ATXN2: variants seen among roughly 807,000 people sequenced by gnomAD.
ATXN2 encodes ataxin 2, also known as ataxin-2.
Under a neutral mutation model 138.6 loss-of-function variants are expected in ATXN2, and 37 were observed. That is an observed-to-expected ratio of 0.27 (90% CI 0.21 to 0.35). The LOEUF (loss-of-function observed/expected upper bound fraction) is 0.35. Among genes scored for constraint, ATXN2 ranks in the 10% least tolerant of loss-of-function variants. ATXN2 has a pLI of 1.00. For missense variants in ATXN2, 1,216 were observed against 1,480.3 expected (o/e 0.82, Z 2.93); for synonymous variants, 549 against 543.7 (o/e 1.01, Z -0.13).
chr12:111,536,774 G>A (rs979962631), intron 5 of ATXN2, among the ~76,000 whole-genome samples: 2 of 144,042 alleles, frequency 1.4e-5, no homozygotes, highest in African/African-American at 2.6e-5. Flanking sequence ...ATGTCCACAC[G>A]CAGTTTTTTT....
Position 111,509,739 on chromosome 12 carries a change from T to C in ATXN2, c.1865-120A>G, listed in dbSNP as rs946594420. 6.4e-6 allele frequency: 6 copies of C among 941,982 alleles called. No homozygotes were observed. The African/African-American group carries it at 6.7e-5, about 11-fold the overall frequency. 58.4% of individuals were successfully genotyped at this position (941,982 alleles called of 1,614,324 possible). On this transcript the variant is annotated intron_variant, in intron 13 of 24. Coordinates refer to ENST00000673436, the MANE Select transcript of ATXN2 (RefSeq NM_001372574.1). The stretch of plus-strand genomic sequence containing the variant: ...TAAGATCAGAAAATAATTTCAAATA[T>C]TAAATTTGGATTTTGGAATTTGTCA...
intron 1 of ATXN2, chr12:111,581,524 C>A: frequency 9.8e-7 from 1 of 1,018,362 alleles, no homozygotes; most frequent in Non-Finnish European, 1.6e-6. Flanking sequence ...TCCCCATCCA[C>A]AGCGAGAACT....
intron 11 of ATXN2, chr12:111,513,107 T>C: frequency 2.3e-6 from 1 of 439,414 alleles, no homozygotes; most frequent in South Asian, 2.9e-5. Context: ...TAATGTAGAC[T>C]AGGCAAGAAT....
At chr12:111,511,275 G>A (rs1437344275) in intron 11 of ATXN2, 2 of 151,024 alleles carry the variant, frequency 1.3e-5, no homozygotes, top group African/African-American at 4.9e-5. Flanking sequence ...CAAGGGTCAC[G>A]GAAGAAAACT....
At chr12:111,502,493 G>A (rs913860607) in intron 14 of ATXN2, among the ~76,000 whole-genome samples, 8 of 151,798 alleles carry the variant, frequency 5.3e-5, no homozygotes, top group African/African-American at 9.7e-5. Context: ...GCAGCGGCAC[G>A]ATCTTAACTC....
At chr12:111,560,807 G>A (rs1441831836) in intron 1 of ATXN2, among the ~76,000 whole-genome samples, 2 of 150,482 alleles carry the variant, frequency 1.3e-5, no homozygotes, top group Non-Finnish European at 3.0e-5. Flanking sequence ...CCCACCCACT[G>A]GAAAAAGAAG....
chr12:111,592,089 AAAC>A (rs1386963293), intron 1 of ATXN2, among the ~76,000 whole-genome samples: 1 of 148,058 alleles, frequency 6.8e-6, no homozygotes, highest in Non-Finnish European at 1.5e-5. Flanking sequence ...AAAAAAAAAA[AAAC>A]ACCTTAGCTC....
At chr12:111,556,925 T>C (rs1052213916) in intron 1 of ATXN2, among the ~76,000 whole-genome samples, 1 of 151,502 alleles carries the variant, frequency 6.6e-6, no homozygotes, top group African/African-American at 2.4e-5. Context: ...ATAATATGCG[T>C]CTATATGTGT....
chr12:111,574,849 T>C (rs1883543731), intron 1 of ATXN2, among the ~76,000 whole-genome samples: 1 of 152,202 alleles, frequency 6.6e-6, no homozygotes. Context: ...ATACCATCAC[T>C]AGTTTTCTTT....
chr12:111,499,959 T>C (rs1332592572), intron 14 of ATXN2, among the ~76,000 whole-genome samples: 1 of 152,146 alleles, frequency 6.6e-6, no homozygotes, highest in Non-Finnish European at 1.5e-5. Flanking sequence ...AGACAGGCAA[T>C]AACAAATGCT....
chr12:111,588,266 A>G (rs1433284837), intron 1 of ATXN2, among the ~76,000 whole-genome samples: 1 of 152,158 alleles, frequency 6.6e-6, no homozygotes, highest in Non-Finnish European at 1.5e-5. Context: ...CTTCAGGGTT[A>G]AAATTACAAG....
chr12:111,599,613 T>G (rs904782286), upstream of ATXN2: 5 of 1,063,018 alleles, frequency 4.7e-6, no homozygotes, highest in African/African-American at 5.3e-5. Flanking sequence ...GAACGTGAGG[T>G]GGCCCCGGGG....
chr12:111,586,723 G>A (rs1317744531), intron 1 of ATXN2, among the ~76,000 whole-genome samples: 1 of 151,338 alleles, frequency 6.6e-6, no homozygotes, highest in Non-Finnish European at 1.5e-5. Context: ...GTTTCACCAT[G>A]TTGGCCAGAC....
At chr12:111,572,555 T>C (rs1045040691) in intron 1 of ATXN2, among the ~76,000 whole-genome samples, 2 of 152,154 alleles carry the variant, frequency 1.3e-5, no homozygotes, top group Non-Finnish European at 2.9e-5. Context: ...AGTTGAAGTC[T>C]AACAGCAAAA....
intron 1 of ATXN2, among the ~76,000 whole-genome samples, chr12:111,592,782 C>CA (rs71083183): frequency 0.011 from 274 of 25,992 alleles, 39 homozygotes; most frequent in Middle Eastern, 0.091. Context: ...GACTCCGTCT[C>CA]AAAAAAAAAA....
chr12:111,581,437 T>G, intron 1 of ATXN2: 142 of 781,400 alleles, frequency 1.8e-4, no homozygotes, highest in Non-Finnish European at 3.0e-4. Context: ...CCCCTAACTA[T>G]GAGATGCTCA....
intron 5 of ATXN2, among the ~76,000 whole-genome samples, chr12:111,543,477 A>C (rs1881643337): frequency 6.6e-6 from 1 of 152,164 alleles, no homozygotes; most frequent in Non-Finnish European, 1.5e-5. Flanking sequence ...TCTGTCACTC[A>C]GGCTGGAGTG....
At chr12:111,588,028 T>C (rs969244901) in intron 1 of ATXN2, among the ~76,000 whole-genome samples, 4 of 151,086 alleles carry the variant, frequency 2.6e-5, no homozygotes, top group Non-Finnish European at 4.4e-5. Context: ...CTACTGAAAA[T>C]ACAAAAAAAC....
In ATXN2 at chr12:111,510,602, T is replaced by TA. The variant is rs1321248278; in HGVS notation, c.1559-21dup. The TA allele has an allele frequency of 1.3e-6, 2 of 1,573,484 alleles. No individual in the cohort carries two copies. The highest frequency in any genetic ancestry group is 1.7e-6 in the Non-Finnish European group (2 of 1,151,158). On this transcript the variant is annotated intron_variant, in intron 11 of 24. Transcript: ENST00000673436. ...TTGGAACTAGAAGAAAGGGAAAATGTATTTATTACATTCTCAGTTCAAATG... is the reference window on the plus strand; with the variant it reads ...TTGGAACTAGAAGAAAGGGAAAATGTAATTTATTACATTCTCAGTTCAAATG...
Sources: allele counts gnomAD v4.1 joint callset (sites outside exome capture counted in the v4.1 genomes callset), GRCh38; gene constraint gnomAD v4.1.1; transcripts MANE v1.5; gene names NCBI Gene and HGNC (gene_info 2026-07-23, HGNC 2026-07-21).